RNLS: variants seen among roughly 807,000 people sequenced by gnomAD.
The protein encoded by RNLS is renalase, FAD dependent amine oxidase, also known as renalase.
In RNLS, 39 loss-of-function variants were observed where a neutral mutation model predicts 39.8. The observed-to-expected ratio is 0.98, with a 90% CI of 0.76 to 1.28. The LOEUF (loss-of-function observed/expected upper bound fraction) is 1.28. RNLS is among the 50% of genes most tolerant of loss of function. The pLI is 0.00. For synonymous variants in RNLS, 147 were observed against 150.7 expected (o/e 0.98, Z 0.18); for missense variants, 410 against 413.3 (o/e 0.99, Z 0.07).
the RNLS span, among the ~76,000 whole-genome samples, chr10:88,177,364 T>C: frequency 6.6e-6 from 1 of 152,168 alleles, no homozygotes; most frequent in African/African-American, 2.4e-5. Context: ...GCTCTTCTAC[T>C]GTTGAAATGC....
intron 4 of RNLS, among the ~76,000 whole-genome samples, chr10:88,441,495 C>G (rs1841711137): frequency 1.3e-5 from 2 of 152,182 alleles, no homozygotes; most frequent in South Asian, 4.1e-4. Context: ...CCTAGCATAT[C>G]TGCAGTGTTC....
chr10:88,429,699 G>A (rs867931212), intron 4 of RNLS, among the ~76,000 whole-genome samples: 1 of 151,764 alleles, frequency 6.6e-6, no homozygotes, highest in Non-Finnish European at 1.5e-5. Flanking sequence ...TATACATTGT[G>A]AGATAAAGAT....
intron 4 of RNLS, among the ~76,000 whole-genome samples, chr10:88,467,901 A>C (rs1843302383): frequency 1.3e-5 from 2 of 152,200 alleles, no homozygotes; most frequent in Non-Finnish European, 2.9e-5. Context: ...GTATTTTAAC[A>C]AGATCTTCAG....
chr10:88,474,386 C>T (rs1420258952), intron 4 of RNLS, among the ~76,000 whole-genome samples: 1 of 152,134 alleles, frequency 6.6e-6, no homozygotes, highest in African/African-American at 2.4e-5. Flanking sequence ...TATTTCTCAG[C>T]ATTGCATGGC....
At chr10:88,517,161 G>T (rs1377325634) in intron 4 of RNLS, among the ~76,000 whole-genome samples, 1 of 151,934 alleles carries the variant, frequency 6.6e-6, no homozygotes, top group Admixed American at 6.6e-5. Flanking sequence ...TTTCATAATG[G>T]TTGCTAGTTA....
the RNLS span, among the ~76,000 whole-genome samples, chr10:88,268,300 C>T: frequency 6.6e-6 from 1 of 152,186 alleles, no homozygotes; most frequent in South Asian, 2.1e-4. Flanking sequence ...TTAAATGTCA[C>T]TTGTGTTCCC....
chr10:88,201,859 G>T, the RNLS span, among the ~76,000 whole-genome samples: 1 of 152,108 alleles, frequency 6.6e-6, no homozygotes, highest in Non-Finnish European at 1.5e-5. Context: ...TACAGCTAGG[G>T]CATTAACCAT....
At chr10:88,372,000 A>G (rs1412336087) in intron 4 of RNLS, among the ~76,000 whole-genome samples, 1 of 152,200 alleles carries the variant, frequency 6.6e-6, no homozygotes, top group East Asian at 1.9e-4. Flanking sequence ...AAAAGGAAAG[A>G]AAAGAACATA....
chr10:88,408,447 A>G (rs1853432087), intron 4 of RNLS, among the ~76,000 whole-genome samples: 1 of 152,042 alleles, frequency 6.6e-6, no homozygotes, highest in South Asian at 2.1e-4. Context: ...TTAGTGCCCT[A>G]ATGAAAAGAA....
At chr10:88,459,385 C>T (rs1842816784) in intron 4 of RNLS, among the ~76,000 whole-genome samples, 1 of 152,046 alleles carries the variant, frequency 6.6e-6, no homozygotes, top group African/African-American at 2.4e-5. Flanking sequence ...GCCACAAGAC[C>T]AAATCCACTA....
chr10:88,401,197 T>C lies in RNLS; in HGVS notation c.527-38472A>G, dbSNP rs146624720. Among the ~76,000 whole-genome samples the C allele has an allele frequency of 3.7e-3, 558 of 152,122 alleles. 3 individuals carry two copies. Among genetic ancestry groups the C allele is most frequent in the African/African-American group, 0.013 (527 of 41,552 alleles). On this transcript the variant is annotated intron_variant, in intron 4 of 6. Coordinates refer to ENST00000331772, the MANE Select transcript of RNLS (RefSeq NM_001031709.3). ...TTCTGATTATTCTGAGAAAAATCAA[T>C]TGAAAAATCAATGTGACAAAAAAGA... is the stretch of plus-strand genomic sequence containing the variant.
chr10:88,453,278 T>C (rs1842452330), intron 4 of RNLS, among the ~76,000 whole-genome samples: 1 of 152,182 alleles, frequency 6.6e-6, no homozygotes, highest in African/African-American at 2.4e-5. Context: ...CTTAGTGACA[T>C]TCCCTCTAAG....
chr10:88,250,359 G>C, the RNLS span, among the ~76,000 whole-genome samples: 15 of 152,348 alleles, frequency 9.8e-5, no homozygotes, highest in East Asian at 2.9e-3. Context: ...TTCTTTGGAA[G>C]TCTCCATGTG....
Position 88,355,869 on chromosome 10 carries a change from G to A in RNLS, c.700+6683C>T, listed in dbSNP as rs1021999001. ...CTGCGGTGGGCTCCACCCAGTTCGA[G>A]CTTCCAGATCGCTTTGTTTACCTAC... On this transcript the variant is annotated intron_variant, in intron 5 of 6. Transcript: ENST00000331772. 2.0e-5 allele frequency among the ~76,000 whole-genome samples: 3 copies of A among 152,320 alleles called. No individual in the cohort carries two copies. In the South Asian group the frequency reaches 6.2e-4, roughly 32 times the overall value.
chr10:88,268,046 A>C, the RNLS span, among the ~76,000 whole-genome samples: 1 of 152,188 alleles, frequency 6.6e-6, no homozygotes, highest in Non-Finnish European at 1.5e-5. Flanking sequence ...TCGAGACAAC[A>C]CTTGGTTTTA....
chr10:88,386,828 G>A (rs1851887064), intron 4 of RNLS, among the ~76,000 whole-genome samples: 1 of 152,150 alleles, frequency 6.6e-6, no homozygotes, highest in Non-Finnish European at 1.5e-5. Context: ...AAAAACAGGA[G>A]CAAAATAACC....
At chr10:88,291,158 T>G (rs1481382562) in intron 6 of RNLS, among the ~76,000 whole-genome samples, 1 of 152,144 alleles carries the variant, frequency 6.6e-6, no homozygotes, top group African/African-American at 2.4e-5. Flanking sequence ...CAGTAAATAC[T>G]CTACAGTTTC....
the RNLS span, among the ~76,000 whole-genome samples, chr10:88,214,033 G>A: frequency 1.3e-5 from 2 of 152,036 alleles, no homozygotes; most frequent in African/African-American, 4.8e-5. Context: ...ATCAGGACTC[G>A]GTTTCTCTCC....
At chr10:88,509,466 AGAGGAGAGGAGAGGG>A (rs1845978460) in intron 4 of RNLS, among the ~76,000 whole-genome samples, 1 of 125,500 alleles carries the variant, frequency 8.0e-6, no homozygotes, top group African/African-American at 3.0e-5. Context: ...AAAGGAGAGA[AGAGGAGAGGAGAGGG>A]GAGGAGAGGA....
Sources: gnomAD v4.1 joint callset for allele counts (sites outside exome capture counted in the v4.1 genomes callset) on GRCh38, gnomAD v4.1.1 for gene constraint, MANE v1.5 for transcripts, NCBI Gene and HGNC (gene_info 2026-07-23, HGNC 2026-07-21) for gene names.